UST: variants seen among roughly 807,000 people sequenced by gnomAD.
UST encodes chondroitin sulfate 2-O-sulfotransferase.
UST carries 21 observed loss-of-function variants against 45.6 expected under a neutral mutation model. That is an observed-to-expected ratio of 0.46 (90% CI 0.33 to 0.66). The LOEUF is 0.66. UST is among the 30% of genes least tolerant of loss of function. UST has a pLI of 0.02. For synonymous variants in UST, 215 were observed against 200.6 expected, an observed-to-expected ratio of 1.07 and a Z score of -0.61; for missense variants, 463 against 512.4, an observed-to-expected ratio of 0.90 and a Z score of 0.93.
At chr6:149,031,893 G>T (rs1776148538) in intron 7 of UST, among the ~76,000 whole-genome samples, 1 of 152,240 alleles carries the variant, frequency 6.6e-6, no homozygotes, top group South Asian at 2.1e-4. Context: ...GCCTTAAAGG[G>T]TGCGTAGGAG....
chr6:148,760,488 G>A (rs903132582), intron 1 of UST, among the ~76,000 whole-genome samples: 1 of 152,174 alleles, frequency 6.6e-6, no homozygotes, highest in Non-Finnish European at 1.5e-5. Flanking sequence ...ATATAGGCTT[G>A]TCTATTGGAC....
chr6:148,957,821 T>TA (rs960739010), intron 4 of UST, among the ~76,000 whole-genome samples: 26 of 152,360 alleles, frequency 1.7e-4, no homozygotes, highest in African/African-American at 5.8e-4. Flanking sequence ...TTAAGAAACC[T>TA]ACCCTTATAG....
At chr6:148,808,040 G>T (rs1408818964) in intron 1 of UST, among the ~76,000 whole-genome samples, 5 of 152,026 alleles carry the variant, frequency 3.3e-5, no homozygotes, top group Admixed American at 6.5e-5. Context: ...GTGGGAGGCA[G>T]GGCTGGGGCT....
intron 5 of UST, among the ~76,000 whole-genome samples, chr6:149,004,896 C>T (rs1781618539): frequency 6.6e-6 from 1 of 152,032 alleles, no homozygotes; most frequent in Non-Finnish European, 1.5e-5. Context: ...TGCAGTGGTG[C>T]GATCACAGCT....
chr6:149,061,933 C>A (rs1370829907), intron 7 of UST, among the ~76,000 whole-genome samples: 1 of 152,156 alleles, frequency 6.6e-6, no homozygotes, highest in Non-Finnish European at 1.5e-5. Context: ...AAAGTGATGG[C>A]AAATTAAGTA....
At chr6:149,053,700 C>A (rs561607333) in intron 7 of UST, among the ~76,000 whole-genome samples, 3 of 152,318 alleles carry the variant, frequency 2.0e-5, no homozygotes, top group African/African-American at 7.2e-5. Context: ...CATAAACATT[C>A]TAAGTGGATA....
intron 3 of UST, among the ~76,000 whole-genome samples, chr6:148,946,583 G>A (rs1247911423): frequency 8.2e-5 from 12 of 146,624 alleles, no homozygotes; most frequent in African/African-American, 1.3e-4. Flanking sequence ...AGGCTGAGGC[G>A]GGCGGATCAC....
Position 148,939,793 on chromosome 6 carries a change from C to T in UST, c.292-1486C>T, listed in dbSNP as rs574256130. Reference sequence around the variant, plus strand: ...GAGGAAACATAAATGTATATCTTTACGATCTTAGATTAGGCAATAGTTTCT... The same window carrying T: ...GAGGAAACATAAATGTATATCTTTATGATCTTAGATTAGGCAATAGTTTCT... On this transcript the variant is annotated intron_variant, in intron 2 of 7. Coordinates refer to ENST00000367463, the MANE Select transcript of UST (RefSeq NM_005715.3). Among the ~76,000 whole-genome samples, 5 of 152,156 alleles carry T rather than the reference C, an allele frequency of 3.3e-5. No individual in the cohort carries two copies. The South Asian group carries it at 8.3e-4, about 25-fold the overall frequency.
At chr6:148,753,706 C>T (rs1156390012) in intron 1 of UST, among the ~76,000 whole-genome samples, 1 of 152,110 alleles carries the variant, frequency 6.6e-6, no homozygotes, top group Non-Finnish European at 1.5e-5. Flanking sequence ...AGTGGGATTG[C>T]TGAATCATAT....
intron 1 of UST, among the ~76,000 whole-genome samples, chr6:148,879,929 CTTTTCTT>C: frequency 7.3e-6 from 1 of 137,684 alleles, no homozygotes; most frequent in East Asian, 2.0e-4. Context: ...AGATATCTGA[CTTTTCTT>C]TTTTCTTTTT....
In UST at chr6:148,934,616, C is replaced by T. The variant is rs1018084425; in HGVS notation, c.292-6663C>T. On this transcript the variant is annotated intron_variant, in intron 2 of 7. Coordinates refer to ENST00000367463, the MANE Select transcript of UST (RefSeq NM_005715.3). This position sits in a 1 kb window ranked among gnomAD's most constrained non-coding sequence, Gnocchi z 4.1. ...ACAACAGTGCCCTTCGCCCCAACTC[C>T]TCTCCAGGATCACGCAGGCAACCTT... Among the ~76,000 whole-genome samples, 2 of 152,178 alleles carry T rather than the reference C, an allele frequency of 1.3e-5. No homozygotes were observed. The highest frequency in any genetic ancestry group is 1.9e-4 in the East Asian group (1 of 5,188).
intron 1 of UST, among the ~76,000 whole-genome samples, chr6:148,772,952 G>C (rs961971805): frequency 6.6e-6 from 1 of 151,742 alleles, no homozygotes; most frequent in Non-Finnish European, 1.5e-5. Context: ...ATTTTTTTGC[G>C]AACCTCTTTT....
intron 3 of UST, among the ~76,000 whole-genome samples, chr6:148,950,905 A>C (rs916103106): frequency 6.6e-6 from 1 of 152,228 alleles, no homozygotes; most frequent in African/African-American, 2.4e-5. Context: ...AACCCTGAGC[A>C]ACATTGCCTG....
intron 1 of UST, among the ~76,000 whole-genome samples, chr6:148,776,616 A>G (rs920666315): frequency 6.6e-6 from 1 of 152,206 alleles, no homozygotes; most frequent in African/African-American, 2.4e-5. Flanking sequence ...CTTATCTGGA[A>G]TAGCATGGAA....
intron 2 of UST, among the ~76,000 whole-genome samples, chr6:148,918,934 T>C (rs1413637678): frequency 1.3e-5 from 2 of 152,244 alleles, no homozygotes; most frequent in East Asian, 1.9e-4. Flanking sequence ...AATATGTATC[T>C]TTAATGAACA....
At chr6:148,987,565 G>A (rs746878592) in intron 5 of UST, among the ~76,000 whole-genome samples, 4 of 152,142 alleles carry the variant, frequency 2.6e-5, no homozygotes, top group Admixed American at 1.3e-4. Context: ...ATGAAAAAGC[G>A]GGTCTCTCAT....
chr6:149,003,444 C>A (rs76005780), intron 5 of UST, among the ~76,000 whole-genome samples: 174 of 140,562 alleles, frequency 1.2e-3, no homozygotes, highest in African/African-American at 3.0e-3. Context: ...AAAAACAAAA[C>A]AAAAAAAAAA....
At chr6:149,025,679 C>A (rs1039494778) in intron 7 of UST, among the ~76,000 whole-genome samples, 4 of 152,050 alleles carry the variant, frequency 2.6e-5, no homozygotes, top group African/African-American at 9.7e-5. Context: ...ATTGATTAAT[C>A]CTTATTATGT....
intron 5 of UST, among the ~76,000 whole-genome samples, chr6:148,970,969 A>G (rs1315312133): frequency 6.6e-6 from 1 of 152,190 alleles, no homozygotes; most frequent in Non-Finnish European, 1.5e-5. Flanking sequence ...TTTTTGCCAT[A>G]CAAGGTAACA....
Sources: gnomAD v4.1 joint callset for allele counts (sites outside exome capture counted in the v4.1 genomes callset) on GRCh38, gnomAD v4.1.1 for gene constraint, Gnocchi (gnomAD v3.1) non-coding constraint, MANE v1.5 for transcripts, NCBI Gene and HGNC (gene_info 2026-07-23, HGNC 2026-07-21) for gene names.